The following HDAC4 variants were observed in gnomAD, a reference collection of about 807,000 sequenced individuals.
HDAC4 encodes histone deacetylase 4.
HDAC4 carries 16 observed loss-of-function variants against 135.1 expected under a neutral mutation model. The observed-to-expected ratio is 0.12, with a 90% confidence interval of 0.08 to 0.18. HDAC4 has a LOEUF of 0.18. HDAC4 is among the 10% of genes least tolerant of loss of function. The pLI is 1.00. For missense variants in HDAC4, 1,143 were observed against 1,511.8 expected (o/e 0.76, Z 4.05); for synonymous variants, 685 against 653.4 (o/e 1.05, Z -0.74).
intron 2 of HDAC4, among the ~76,000 whole-genome samples, chr2:239,259,764 G>A (rs2049246000): frequency 6.6e-6 from 1 of 152,230 alleles, no homozygotes; most frequent in Admixed American, 6.5e-5. Context: ...AAAGATCTCT[G>A]CTGACAATGT....
At chr2:239,152,961 C>T (rs565799811) in intron 7 of HDAC4, among the ~76,000 whole-genome samples, 1 of 152,356 alleles carries the variant, frequency 6.6e-6, no homozygotes, top group Non-Finnish European at 1.5e-5. Flanking sequence ...TTTAAAGGTA[C>T]ATTTCACAGA....
chr2:239,128,272 C>T (rs1249013196), intron 11 of HDAC4, among the ~76,000 whole-genome samples: 2 of 151,476 alleles, frequency 1.3e-5, no homozygotes, highest in Non-Finnish European at 2.9e-5. Flanking sequence ...TCAGGCTGGG[C>T]GCGGTGGTGG....
intron 3 of HDAC4, among the ~76,000 whole-genome samples, chr2:239,198,922 C>T (rs1301538634): frequency 6.6e-6 from 1 of 152,226 alleles, no homozygotes; most frequent in Admixed American, 6.5e-5. Flanking sequence ...ACTGCGAAGA[C>T]TTCCAAATCA....
chr2:239,253,051 C>T (rs2048869539), intron 2 of HDAC4, among the ~76,000 whole-genome samples: 1 of 152,196 alleles, frequency 6.6e-6, no homozygotes, highest in South Asian at 2.1e-4. Context: ...GCACAACACA[C>T]ATTCCCATCA....
At chr2:239,127,750 C>T (rs188080329) in intron 11 of HDAC4, among the ~76,000 whole-genome samples, 14 of 152,338 alleles carry the variant, frequency 9.2e-5, no homozygotes, top group Admixed American at 5.2e-4. Flanking sequence ...TGCTGCCAGG[C>T]GGGGCTACAT....
At chr2:239,201,737 T>C in intron 3 of HDAC4, among the ~76,000 whole-genome samples, 1 of 152,150 alleles carries the variant, frequency 6.6e-6, no homozygotes, top group East Asian at 1.9e-4. Flanking sequence ...AGCACAGAGA[T>C]GGAAACGACA....
Position 239,068,778 on chromosome 2 carries a change from G to T in HDAC4, c.2751-171C>A, listed in dbSNP as rs569163226. On this transcript the variant is annotated intron_variant, in intron 22 of 26. Coordinates refer to ENST00000543185, the MANE Select transcript of HDAC4 (RefSeq NM_001378414.1). This position sits in a 1 kb window ranked among gnomAD's most constrained non-coding sequence, Gnocchi z 4.4. ...GGAATCTGGCGACCACGCTTAATTA[G>T]AAGGGAATCAACCCACGTGTGATCC... 7.2e-6 allele frequency: 5 copies of T among 695,436 alleles called. No homozygotes were observed. The highest frequency in any genetic ancestry group is 6.0e-5 in the Admixed American group (3 of 50,074). The allele number at this position is 695,436 out of a possible 1,614,324, so 43.1% of individuals were successfully genotyped here.
intron 1 of HDAC4, among the ~76,000 whole-genome samples, chr2:239,357,905 A>C: frequency 7.6e-6 from 1 of 132,412 alleles, no homozygotes; most frequent in Admixed American, 7.9e-5. Flanking sequence ...AAAAAAAAAA[A>C]AAAAAAAAAA....
intron 11 of HDAC4, among the ~76,000 whole-genome samples, chr2:239,127,608 A>G (rs541380215): frequency 6.6e-6 from 1 of 152,332 alleles, no homozygotes; most frequent in East Asian, 1.9e-4. Context: ...TGCTCAGGAT[A>G]AAAATGACCC....
intron 4 of HDAC4, among the ~76,000 whole-genome samples, chr2:239,184,213 G>C (rs1304631118): frequency 6.6e-6 from 1 of 152,284 alleles, no homozygotes; most frequent in East Asian, 1.9e-4. Flanking sequence ...GAGAGGGTAA[G>C]CCTTGCAGGA....
chr2:239,095,550 C>A (rs1295987877), intron 16 of HDAC4, among the ~76,000 whole-genome samples: 1 of 152,142 alleles, frequency 6.6e-6, no homozygotes, highest in East Asian at 1.9e-4. Flanking sequence ...ACCCTGAGAT[C>A]CTCGGGAATG....
intron 3 of HDAC4, among the ~76,000 whole-genome samples, chr2:239,220,561 G>T (rs955251987): frequency 1.3e-5 from 2 of 152,172 alleles, no homozygotes; most frequent in African/African-American, 2.4e-5. Flanking sequence ...AGAAGATGGT[G>T]CCAGAAGACT....
intron 2 of HDAC4, among the ~76,000 whole-genome samples, chr2:239,318,611 T>A (rs1342467993): frequency 6.6e-6 from 1 of 152,006 alleles, no homozygotes; most frequent in African/African-American, 2.4e-5. Context: ...GTGACCACGC[T>A]TATCTGAGGC....
intron 7 of HDAC4, among the ~76,000 whole-genome samples, chr2:239,151,636 C>T (rs77615975): frequency 0.059 from 9,054 of 152,270 alleles, 867 homozygotes; most frequent in African/African-American, 0.21. Context: ...CAACAGAATT[C>T]GGTCCCTAGG....
chr2:239,388,446 G>A (rs1695974765), intron 1 of HDAC4, among the ~76,000 whole-genome samples: 1 of 152,208 alleles, frequency 6.6e-6, no homozygotes, highest in African/African-American at 2.4e-5. Flanking sequence ...GGCCTTCTCA[G>A]GCACCTGCCC....
At chr2:239,191,208 G>A (rs2044926273) in intron 3 of HDAC4, among the ~76,000 whole-genome samples, 1 of 152,216 alleles carries the variant, frequency 6.6e-6, no homozygotes, top group Non-Finnish European at 1.5e-5. Context: ...TCAGAGGGGT[G>A]TCTGGGCCAA....
At chr2:239,394,336 T>C (rs1243348303) in intron 1 of HDAC4, among the ~76,000 whole-genome samples, 3 of 152,248 alleles carry the variant, frequency 2.0e-5, no homozygotes, top group Admixed American at 1.3e-4. Context: ...TAATGTATCA[T>C]ATTAAAATTA....
intron 15 of HDAC4, among the ~76,000 whole-genome samples, chr2:239,103,935 A>G (rs1274921869): frequency 6.6e-6 from 1 of 152,270 alleles, no homozygotes; most frequent in Non-Finnish European, 1.5e-5. Context: ...AGAGACCTCC[A>G]GAGGGCAGGT....
Position 239,127,759 on chromosome 2 carries a change from A to C in HDAC4, c.1295-1065T>G, listed in dbSNP as rs116510277. Reference sequence around the variant, plus strand: ...TGTTCCTGCTGCCAGGCGGGGCTACATGCCTGCTGCAAGGGCTACGGGACC... The same window carrying C: ...TGTTCCTGCTGCCAGGCGGGGCTACCTGCCTGCTGCAAGGGCTACGGGACC... On this transcript the variant is annotated intron_variant, in intron 11 of 26. Transcript: ENST00000543185. Among the ~76,000 whole-genome samples the C allele has an allele frequency of 6.4e-3, 973 of 152,324 alleles. 13 individuals are homozygous for C. Among genetic ancestry groups the C allele is most frequent in the African/African-American group, 0.022 (931 of 41,578 alleles).
Sources: gnomAD v4.1 joint callset for allele counts (sites outside exome capture counted in the v4.1 genomes callset) on GRCh38, gnomAD v4.1.1 for gene constraint, Gnocchi (gnomAD v3.1) non-coding constraint, MANE v1.5 for transcripts, NCBI Gene and HGNC (gene_info 2026-07-23, HGNC 2026-07-21) for gene names.